MID2: variants seen among roughly 807,000 people sequenced by gnomAD.
MID2 encodes the protein probable E3 ubiquitin-protein ligase MID2.
In MID2, 13 loss-of-function variants were observed where a neutral mutation model predicts 46.1. That is an observed-to-expected ratio of 0.28 (90% CI 0.18 to 0.45). MID2 has a LOEUF of 0.45. Among genes scored for constraint, MID2 ranks in the 20% least tolerant of loss-of-function variants. The pLI is 1.00. For missense variants in MID2, 431 were observed against 575.4 expected, an observed-to-expected ratio of 0.75 and a Z score of 2.57; for synonymous variants, 199 against 212.3, an observed-to-expected ratio of 0.94 and a Z score of 0.55.
intron 3 of MID2, among the ~76,000 whole-genome samples, chrX:107,882,671 T>C (rs888749526): frequency 5.0e-4 from 56 of 111,870 alleles, no homozygotes; most frequent in African/African-American, 1.5e-3. Context: ...TCACACCAGT[T>C]AGAATGGCGA....
intron 3 of MID2, among the ~76,000 whole-genome samples, chrX:107,902,014 A>C (rs1227112891): frequency 8.9e-6 from 1 of 112,010 alleles, no homozygotes; most frequent in Non-Finnish European, 1.9e-5. Context: ...ACTCAACTGG[A>C]GAGCAGCATA....
chrX:107,841,759 A>G (rs1931352879), intron 2 of MID2, among the ~76,000 whole-genome samples: 1 of 112,327 alleles, frequency 8.9e-6, no homozygotes, highest in African/African-American at 3.2e-5. Context: ...TACAATTAGC[A>G]TATGTGTCGA....
At chrX:107,890,656 G>A (rs938200572) in intron 3 of MID2, among the ~76,000 whole-genome samples, 1 of 112,055 alleles carries the variant, frequency 8.9e-6, no homozygotes, top group Admixed American at 9.4e-5. Flanking sequence ...GTCAGACAGG[G>A]ACATTTAAGT....
intron 3 of MID2, among the ~76,000 whole-genome samples, chrX:107,890,416 G>A (rs1932571702): frequency 8.9e-6 from 1 of 112,195 alleles, no homozygotes; most frequent in African/African-American, 3.2e-5. Context: ...ATCAGCAGCA[G>A]AGGCTGCAGA....
At chrX:107,910,031 T>C (rs936690194) in intron 5 of MID2, among the ~76,000 whole-genome samples, 2 of 112,155 alleles carry the variant, frequency 1.8e-5, no homozygotes, top group Admixed American at 9.4e-5. Context: ...TTTACTCTTT[T>C]AGCTATTTTG....
In MID2 at chrX:107,860,565, A is replaced by G. The variant is rs180684401; in HGVS notation, c.816+5861A>G. ...TCCAGCCCAATTGTTTGTCACTCAC[A>G]ATACAATAACAAACTGACTTTCCAA... On this transcript the variant is annotated intron_variant, in intron 3 of 9. Coordinates refer to ENST00000262843, the MANE Select transcript of MID2 (RefSeq NM_012216.4). 8.3e-3 allele frequency among the ~76,000 whole-genome samples: 934 copies of G among 112,533 alleles called. 7 individuals carry two copies. Among genetic ancestry groups the G allele is most frequent in the Non-Finnish European group, 0.013 (700 of 53,291 alleles).
chrX:107,850,620 A>C (rs1931591282), intron 2 of MID2, among the ~76,000 whole-genome samples: 1 of 112,554 alleles, frequency 8.9e-6, no homozygotes, highest in Non-Finnish European at 1.9e-5. Flanking sequence ...AATTAGAGTC[A>C]TCTTGTCAGA....
At chrX:107,833,527 A>G (rs1193572750) in intron 1 of MID2, among the ~76,000 whole-genome samples, 4 of 109,955 alleles carry the variant, frequency 3.6e-5, no homozygotes, top group African/African-American at 1.3e-4. Context: ...AGGGAATACT[A>G]TAACTCCTCA....
chrX:107,930,516 A>G lies in MID2; in HGVS notation c.*3443A>G, dbSNP rs925782486. On this transcript the variant is annotated 3_prime_UTR_variant, in exon 10 of 10. Coordinates refer to ENST00000262843, the MANE Select transcript of MID2 (RefSeq NM_012216.4). ...AGCCTACTTAAAAAAGTGGGGAATT[A>G]AACTGGGTTTGGAGTAAGCAATGAA... 3.6e-5 allele frequency among the ~76,000 whole-genome samples: 4 copies of G among 112,202 alleles called. No individual in the cohort carries two copies. The Admixed American group carries it at 3.8e-4, about 11-fold the overall frequency.
intron 7 of MID2, 25 bp from the exon 8 acceptor site, chrX:107,924,318 G>A: frequency 8.4e-7 from 1 of 1,191,340 alleles, no homozygotes; most frequent in East Asian, 3.0e-5. Context: ...GCTGGTTAAT[G>A]TCCTTGTCTT....
chrX:107,839,432 C>A (rs1239155076), intron 1 of MID2, among the ~76,000 whole-genome samples: 1 of 105,979 alleles, frequency 9.4e-6, no homozygotes, highest in Non-Finnish European at 1.9e-5. Flanking sequence ...AGTGCAGTGG[C>A]ATGATCTCGG....
At chrX:107,847,530 A>G (rs1358028689) in intron 2 of MID2, among the ~76,000 whole-genome samples, 1 of 112,081 alleles carries the variant, frequency 8.9e-6, no homozygotes, top group East Asian at 2.8e-4. Context: ...ATGAATTAAA[A>G]AGGACTTTTG....
chrX:107,855,191 C>T (rs1036561998), intron 3 of MID2, among the ~76,000 whole-genome samples: 1 of 111,270 alleles, frequency 9.0e-6, no homozygotes, highest in East Asian at 2.8e-4. Flanking sequence ...CCTATCTATA[C>T]CATGCACCCC....
At chrX:107,882,093 C>T (rs1263472495) in intron 3 of MID2, among the ~76,000 whole-genome samples, 1 of 111,901 alleles carries the variant, frequency 8.9e-6, no homozygotes, top group African/African-American at 3.3e-5. Context: ...CTGACAAAAA[C>T]AAGAAATGGG....
chrX:107,895,365 T>C (rs1932707734), intron 3 of MID2: 1 of 111,647 alleles, frequency 9.0e-6, no homozygotes. Context: ...CAACCACTGA[T>C]ATGTTCATCA....
chrX:107,827,406 T>C (rs1286077835), intron 1 of MID2, among the ~76,000 whole-genome samples: 1 of 111,217 alleles, frequency 9.0e-6, no homozygotes, highest in African/African-American at 3.3e-5. Flanking sequence ...CTCCCAGCCA[T>C]GCAGCATCTT....
At chrX:107,890,207 T>C (rs1206647037) in intron 3 of MID2, among the ~76,000 whole-genome samples, 1 of 112,150 alleles carries the variant, frequency 8.9e-6, no homozygotes, top group Non-Finnish European at 1.9e-5. Context: ...ATTTTTAGAG[T>C]TTCCAGTTTT....
At chrX:107,827,952 C>T (rs1443946617) in intron 1 of MID2, among the ~76,000 whole-genome samples, 1 of 112,414 alleles carries the variant, frequency 8.9e-6, no homozygotes, top group Non-Finnish European at 1.9e-5. Context: ...ATCTTATGTA[C>T]AAATGTAATC....
intron 5 of MID2, among the ~76,000 whole-genome samples, chrX:107,907,677 C>T (rs1247844241): frequency 1.8e-5 from 2 of 111,828 alleles, no homozygotes; most frequent in Non-Finnish European, 3.8e-5. Flanking sequence ...CAATTATCAC[C>T]TGTCCCTCTC....
Sources: gnomAD v4.1 joint callset for allele counts (sites outside exome capture counted in the v4.1 genomes callset) on GRCh38, gnomAD v4.1.1 for gene constraint, MANE v1.5 for transcripts, NCBI Gene and HGNC (gene_info 2026-07-23, HGNC 2026-07-21) for gene names.